ARHGAP10: variants seen among roughly 807,000 people sequenced by gnomAD.
ARHGAP10 encodes Rho GTPase activating protein 10.
ARHGAP10 carries 87 observed loss-of-function variants against 108.6 expected under a neutral mutation model. That is an observed-to-expected ratio of 0.80 (90% CI 0.67 to 0.96). The LOEUF is 0.96. Among genes scored for constraint, ARHGAP10 ranks in the 40% least tolerant of loss-of-function variants. The pLI is 0.00. For synonymous variants in ARHGAP10, 347 were observed against 341.1 expected (o/e 1.02, Z -0.19); for missense variants, 939 against 954.5 (o/e 0.98, Z 0.21).
At chr4:147,809,497 A>G (rs1008373958) in intron 1 of ARHGAP10, among the ~76,000 whole-genome samples, 2 of 152,220 alleles carry the variant, frequency 1.3e-5, no homozygotes, top group East Asian at 1.9e-4. Flanking sequence ...TTCAACATGT[A>G]AACTCCAATA....
intron 18 of ARHGAP10, among the ~76,000 whole-genome samples, chr4:147,988,482 C>CT (rs1740126221): frequency 6.6e-6 from 1 of 152,158 alleles, no homozygotes; most frequent in African/African-American, 2.4e-5. Context: ...ATCTGACAGC[C>CT]TTTTCCTCTA....
Position 147,938,231 on chromosome 4 carries a change from G to A in ARHGAP10, c.1229-1594G>A, listed in dbSNP as rs190505600. ...TATGGGAGGGTGGAGGGTGGGAAAA[G>A]GGAGGGGATCAGGAAGAATAATTAA... On this transcript the variant is annotated intron_variant, in intron 13 of 22. Coordinates refer to ENST00000336498, the MANE Select transcript of ARHGAP10 (RefSeq NM_024605.4). Among the ~76,000 whole-genome samples, 211 of 152,242 alleles carry A rather than the reference G, an allele frequency of 1.4e-3. 1 individual carries two copies. Among genetic ancestry groups the A allele is most frequent in the African/African-American group, 4.5e-3 (186 of 41,532 alleles).
At chr4:147,797,108 TAAATC>T (rs1731347106) in intron 1 of ARHGAP10, among the ~76,000 whole-genome samples, 1 of 152,244 alleles carries the variant, frequency 6.6e-6, no homozygotes, top group African/African-American at 2.4e-5. Flanking sequence ...TCAAAGTTGT[TAAATC>T]AAAAGGAACT....
At chr4:147,987,686 G>A (rs1283355315) in intron 18 of ARHGAP10, among the ~76,000 whole-genome samples, 1 of 152,208 alleles carries the variant, frequency 6.6e-6, no homozygotes, top group African/African-American at 2.4e-5. Context: ...GGGAGACTGA[G>A]CCAGTTACTA....
At chr4:147,922,805 C>T (rs1737305530) in intron 13 of ARHGAP10, among the ~76,000 whole-genome samples, 1 of 151,938 alleles carries the variant, frequency 6.6e-6, no homozygotes, top group African/African-American at 2.4e-5. Flanking sequence ...TCATTTCCTT[C>T]TTCATCCTTC....
At chr4:147,946,805 C>A in intron 15 of ARHGAP10, 101 bp downstream of exon 15, 2 of 954,418 alleles carry the variant, frequency 2.1e-6, no homozygotes, top group Non-Finnish European at 2.8e-6. Flanking sequence ...TTAAATTAAG[C>A]CTTATTTTAA....
chr4:147,937,894 A>G (rs2126958990), intron 13 of ARHGAP10, among the ~76,000 whole-genome samples: 1 of 152,258 alleles, frequency 6.6e-6, no homozygotes, highest in African/African-American at 2.4e-5. Flanking sequence ...CAGGAGAATC[A>G]CTTGAACCTG....
At chr4:147,877,077 A>T (rs1159550180) in intron 8 of ARHGAP10, among the ~76,000 whole-genome samples, 1 of 152,132 alleles carries the variant, frequency 6.6e-6, no homozygotes, top group African/African-American at 2.4e-5. Flanking sequence ...TGGTTGTCAG[A>T]AGGGAATGGT....
At chr4:147,970,036 C>T (rs1288726986) in intron 18 of ARHGAP10, among the ~76,000 whole-genome samples, 1 of 152,150 alleles carries the variant, frequency 6.6e-6, no homozygotes, top group Non-Finnish European at 1.5e-5. Context: ...GTTAACAGTT[C>T]TGAGAACCTA....
intron 4 of ARHGAP10, among the ~76,000 whole-genome samples, chr4:147,848,066 TC>T (rs1369361195): frequency 6.8e-6 from 1 of 147,986 alleles, no homozygotes; most frequent in Non-Finnish European, 1.5e-5. Flanking sequence ...TGTATTTTTT[TC>T]CCCCCACGTG....
In ARHGAP10 at chr4:148,050,365, CTTTTTTT is replaced by C. The variant is rs11309245; in HGVS notation, c.2027+3334_2027+3340del. Among the ~76,000 whole-genome samples, 8 of 59,306 alleles carry C rather than the reference CTTTTTTT, an allele frequency of 1.3e-4. No individual in the cohort carries two copies. The South Asian group carries it at 2.2e-3, about 16-fold the overall frequency. 38.9% of individuals were successfully genotyped at this position (59,306 alleles called of 152,430 possible). On this transcript the variant is annotated intron_variant, in intron 20 of 22. Transcript: ENST00000336498. ...CATTTGGTTTCTTACTCATCATCAT[CTTTTTTT>C]TTTTTTTTTTTTTTTTTTTAAGATG... is the stretch of plus-strand genomic sequence containing the variant.
intron 12 of ARHGAP10, among the ~76,000 whole-genome samples, chr4:147,911,427 A>G (rs1233008703): frequency 6.6e-6 from 1 of 152,090 alleles, no homozygotes. Flanking sequence ...CAGGGGCGCA[A>G]TTTCAGCTCC....
chr4:147,900,578 A>G (rs1288318231), intron 10 of ARHGAP10, among the ~76,000 whole-genome samples: 1 of 152,128 alleles, frequency 6.6e-6, no homozygotes, highest in Non-Finnish European at 1.5e-5. Flanking sequence ...CTTAGTAGGT[A>G]CTCAGATTGT....
chr4:148,021,184 AG>A, intron 18 of ARHGAP10, among the ~76,000 whole-genome samples: 1 of 152,176 alleles, frequency 6.6e-6, no homozygotes, highest in South Asian at 2.1e-4. Context: ...GGTGCTGGGA[AG>A]GACTGAGATC....
intron 18 of ARHGAP10, among the ~76,000 whole-genome samples, chr4:148,002,886 T>C (rs1402978595): frequency 6.6e-6 from 1 of 152,216 alleles, no homozygotes; most frequent in African/African-American, 2.4e-5. Flanking sequence ...ATTGATTTTT[T>C]TGAAGGGTTT....
At chr4:147,750,545 A>G (rs1729096074) in intron 1 of ARHGAP10, among the ~76,000 whole-genome samples, 1 of 151,998 alleles carries the variant, frequency 6.6e-6, no homozygotes, top group Non-Finnish European at 1.5e-5. Flanking sequence ...TTTTGTGTGC[A>G]TTAATATCCG....
chr4:147,811,544 GT>G (rs1732018472), intron 1 of ARHGAP10, among the ~76,000 whole-genome samples: 1 of 151,390 alleles, frequency 6.6e-6, no homozygotes, highest in African/African-American at 2.4e-5. Context: ...TTTATGCTCA[GT>G]GAAGAATATT....
intron 3 of ARHGAP10, among the ~76,000 whole-genome samples, chr4:147,844,695 C>T (rs1447794155): frequency 6.6e-6 from 1 of 152,190 alleles, no homozygotes; most frequent in Non-Finnish European, 1.5e-5. Flanking sequence ...GTCAATCTCT[C>T]ATTACTTTGA....
chr4:147,978,062 C>G (rs1366522855), intron 18 of ARHGAP10, among the ~76,000 whole-genome samples: 1 of 152,178 alleles, frequency 6.6e-6, no homozygotes, highest in African/African-American at 2.4e-5. Context: ...ATCCACTCCA[C>G]TATTGATGGG....
Sources: allele counts gnomAD v4.1 joint callset (sites outside exome capture counted in the v4.1 genomes callset), GRCh38; gene constraint gnomAD v4.1.1; transcripts MANE v1.5; gene names NCBI Gene and HGNC (gene_info 2026-07-23, HGNC 2026-07-21).